GCLC: variants seen among roughly 807,000 people sequenced by gnomAD.
The protein encoded by GCLC is glutamate--cysteine ligase catalytic subunit.
A neutral mutation model predicts 81.5 loss-of-function variants in GCLC; 30 were observed. The ratio of observed to expected loss-of-function variants is 0.37; its 90% CI spans 0.28 to 0.50. The LOEUF (loss-of-function observed/expected upper bound fraction) is 0.50. GCLC is among the 20% of genes least tolerant of loss of function. The pLI is 0.96. For synonymous variants in GCLC, 262 were observed against 273.3 expected (o/e 0.96, Z 0.41); for missense variants, 556 against 777.4 (o/e 0.72, Z 3.39).
At chr6:53,536,706 TAC>T (rs912572122) in intron 1 of GCLC, among the ~76,000 whole-genome samples, 2 of 152,198 alleles carry the variant, frequency 1.3e-5, no homozygotes, top group African/African-American at 4.8e-5. Context: ...TTTCTGAACA[TAC>T]AGAGTCTTAC....
At chr6:53,529,038 T>C (rs866369368) in intron 1 of GCLC, among the ~76,000 whole-genome samples, 1 of 152,220 alleles carries the variant, frequency 6.6e-6, no homozygotes, top group Non-Finnish European at 1.5e-5. Context: ...TGCTAGTCAC[T>C]AAGCACATGT....
At chr6:53,541,709 A>G (rs1214170018) in intron 1 of GCLC, among the ~76,000 whole-genome samples, 4 of 152,256 alleles carry the variant, frequency 2.6e-5, no homozygotes, top group African/African-American at 7.2e-5. Flanking sequence ...TGGTAAAAGC[A>G]GCATTTCAAA....
intron 1 of GCLC, among the ~76,000 whole-genome samples, chr6:53,528,496 G>A (rs552147988): frequency 1.1e-4 from 16 of 152,232 alleles, no homozygotes; most frequent in African/African-American, 3.9e-4. Context: ...TTTGATGACT[G>A]TGGATACTGT....
At chr6:53,531,418 A>G (rs913258502) in intron 1 of GCLC, among the ~76,000 whole-genome samples, 1 of 152,180 alleles carries the variant, frequency 6.6e-6, no homozygotes, top group Non-Finnish European at 1.5e-5. Flanking sequence ...CTAACCCTAC[A>G]GTCAGGAAGA....
At chr6:53,542,054 G>A (rs531593175) in intron 1 of GCLC, among the ~76,000 whole-genome samples, 7 of 152,138 alleles carry the variant, frequency 4.6e-5, no homozygotes, top group South Asian at 4.1e-4. Flanking sequence ...ATGGGGTCTC[G>A]CTATATTGCC....
chr6:53,523,762 T>C (rs1375441959), intron 1 of GCLC, among the ~76,000 whole-genome samples: 2 of 152,120 alleles, frequency 1.3e-5, no homozygotes, highest in Non-Finnish European at 2.9e-5. Flanking sequence ...CTAAGTAATA[T>C]GATTATAAAG....
intron 1 of GCLC, among the ~76,000 whole-genome samples, chr6:53,527,466 T>C (rs1445505389): frequency 1.3e-5 from 2 of 152,204 alleles, no homozygotes; most frequent in African/African-American, 4.8e-5. Flanking sequence ...CAAAAAACAC[T>C]GTCTTGCTGG....
intron 1 of GCLC, among the ~76,000 whole-genome samples, chr6:53,525,756 C>G (rs550178621): frequency 6.6e-6 from 1 of 152,184 alleles, no homozygotes; most frequent in African/African-American, 2.4e-5. Context: ...GTGCAATTAA[C>G]ATATCATCTT....
In GCLC at chr6:53,506,157, C is replaced by G. The variant is rs181768462; in HGVS notation, c.1198-262G>C. The stretch of plus-strand genomic sequence containing the variant: ...GCTCCTACTCCCTATCTCCCAGCTA[C>G]AGAGCAGCATCTGAAGAGCCACGGG... On this transcript the variant is annotated intron_variant, in intron 10 of 15. Coordinates refer to ENST00000650454, the MANE Select transcript of GCLC (RefSeq NM_001498.4). This position sits in a 1 kb window ranked among gnomAD's most constrained non-coding sequence, Gnocchi z 4.0. The G allele has an allele frequency of 9.0e-5, 38 of 420,254 alleles. No homozygotes were observed. Among genetic ancestry groups the G allele is most frequent in the Middle Eastern group, 1.5e-3 (2 of 1,308 alleles). 26.0% of individuals were successfully genotyped at this position (420,254 alleles called of 1,614,324 possible).
At chr6:53,512,152 C>A (rs1027581193) in intron 6 of GCLC, among the ~76,000 whole-genome samples, 1 of 151,882 alleles carries the variant, frequency 6.6e-6, no homozygotes, top group African/African-American at 2.4e-5. Flanking sequence ...GCCATGATGA[C>A]CAGGCTTGTC....
At chr6:53,522,181 G>C (rs1432325523) in intron 2 of GCLC, among the ~76,000 whole-genome samples, 1 of 152,184 alleles carries the variant, frequency 6.6e-6, no homozygotes, top group Non-Finnish European at 1.5e-5. Flanking sequence ...GGTAGGTATT[G>C]CTATGATCTT....
intron 1 of GCLC, among the ~76,000 whole-genome samples, chr6:53,540,336 A>AG (rs1200600824): frequency 1.3e-5 from 2 of 151,866 alleles, no homozygotes; most frequent in Admixed American, 6.6e-5. Context: ...AAAGAAAAAA[A>AG]AAAAGAAAAT....
chr6:53,522,178 AT>A (rs2127625563), intron 2 of GCLC, among the ~76,000 whole-genome samples: 2 of 152,334 alleles, frequency 1.3e-5, no homozygotes, highest in African/African-American at 4.8e-5. Context: ...TTAGGTAGGT[AT>A]TGCTATGATC....
intron 6 of GCLC, 159 bp downstream of exon 6, chr6:53,514,045 A>G: frequency 3.0e-6 from 2 of 662,972 alleles, no homozygotes; most frequent in South Asian, 1.8e-5. Context: ...CTTCCAATGA[A>G]TTTACTAATA....
intron 12 of GCLC, chr6:53,500,727 A>T: frequency 1.7e-6 from 1 of 596,594 alleles, no homozygotes; most frequent in Non-Finnish European, 3.0e-6. Context: ...CCAATCAGGG[A>T]ATTTTAAGAG....
chr6:53,541,207 A>G (rs930541417), intron 1 of GCLC, among the ~76,000 whole-genome samples: 2 of 151,848 alleles, frequency 1.3e-5, no homozygotes, highest in Admixed American at 6.6e-5. Context: ...CAAGAGCGAG[A>G]CTCCGTCTCA....
At chr6:53,519,232 A>G (rs570818) in intron 3 of GCLC, among the ~76,000 whole-genome samples, 1 of 151,904 alleles carries the variant, frequency 6.6e-6, no homozygotes, top group Non-Finnish European at 1.5e-5. Flanking sequence ...GCTTCCCTTT[A>G]CCCCATACCT....
intron 12 of GCLC, 164 bp from the exon 13 acceptor site, chr6:53,500,677 A>G: frequency 1.5e-6 from 1 of 651,516 alleles, no homozygotes; most frequent in South Asian, 1.8e-5. Context: ...TTATGTGAGG[A>G]CTGTATCACT....
At chr6:53,507,695 TAAAA>T in intron 8 of GCLC, 77 bp from the exon 9 acceptor site, 1 of 621,536 alleles carries the variant, frequency 1.6e-6, no homozygotes, top group Non-Finnish European at 2.6e-6. Flanking sequence ...GATAATTATA[TAAAA>T]ACCTCAACAT....
Sources: allele counts gnomAD v4.1 joint callset (sites outside exome capture counted in the v4.1 genomes callset), GRCh38; gene constraint gnomAD v4.1.1; non-coding constraint Gnocchi (gnomAD v3.1); transcripts MANE v1.5; gene names NCBI Gene and HGNC (gene_info 2026-07-23, HGNC 2026-07-21).